The following ZMIZ1 variants were observed in gnomAD, a reference collection of about 807,000 sequenced individuals.
The protein encoded by ZMIZ1 is zinc finger MIZ-type containing 1, also known as zinc finger MIZ domain-containing protein 1.
In ZMIZ1, 17 loss-of-function variants were observed where a neutral mutation model predicts 113.9. That is an observed-to-expected ratio of 0.15 (90% CI 0.10 to 0.22). The LOEUF (loss-of-function observed/expected upper bound fraction) is 0.22, where lower values mean the gene tolerates loss of function less well. Ranked by LOEUF, ZMIZ1 falls within the 10% of genes least tolerant of loss-of-function variation. The pLI is 1.00. For synonymous variants in ZMIZ1, 607 were observed against 603.1 expected (o/e 1.01, Z -0.09); for missense variants, 1,059 against 1,477.8 (o/e 0.72, Z 4.65).
At chr10:79,128,019 G>A (rs1182284955) in intron 2 of ZMIZ1, among the ~76,000 whole-genome samples, 4 of 152,184 alleles carry the variant, frequency 2.6e-5, no homozygotes, top group Admixed American at 1.3e-4. Context: ...AGTTCCTTGC[G>A]CTGAGAACTT....
chr10:79,259,179 G>A (rs756911324), intron 7 of ZMIZ1, among the ~76,000 whole-genome samples: 6 of 152,132 alleles, frequency 3.9e-5, no homozygotes, highest in African/African-American at 9.7e-5. Context: ...GGCCCTGCCC[G>A]GCTCCTGGAC....
chr10:79,128,607 C>T (rs1485380316), intron 2 of ZMIZ1, among the ~76,000 whole-genome samples: 1 of 4,752 alleles, frequency 2.1e-4, no homozygotes, highest in Admixed American at 3.1e-3. Flanking sequence ...TAAATAGACC[C>T]TGGAACTCAA....
At chr10:79,221,064 G>C (rs1049029324) in intron 7 of ZMIZ1, among the ~76,000 whole-genome samples, 7 of 152,154 alleles carry the variant, frequency 4.6e-5, no homozygotes, top group African/African-American at 1.4e-4. Flanking sequence ...CTGCATGCAT[G>C]TTATCTGTGT....
chr10:79,077,647 C>A (rs1028899516), intron 1 of ZMIZ1, among the ~76,000 whole-genome samples: 2 of 152,228 alleles, frequency 1.3e-5, no homozygotes, highest in African/African-American at 4.8e-5. Flanking sequence ...TCATGCTTTT[C>A]CCAGACTGCC....
intron 19 of ZMIZ1, 99 bp from the exon 20 acceptor site, chr10:79,305,065 T>A: frequency 7.2e-7 from 1 of 1,380,194 alleles, no homozygotes; most frequent in Non-Finnish European, 1.0e-6. Flanking sequence ...ACAGCCTATC[T>A]TTCTCTCTGG....
intron 7 of ZMIZ1, among the ~76,000 whole-genome samples, chr10:79,239,791 C>T (rs1383453781): frequency 6.6e-6 from 1 of 152,096 alleles, no homozygotes; most frequent in East Asian, 1.9e-4. Flanking sequence ...CTGGGTAATG[C>T]TGGGACAGGA....
intron 2 of ZMIZ1, among the ~76,000 whole-genome samples, chr10:79,119,438 A>T (rs1380341484): frequency 2.6e-5 from 4 of 152,248 alleles, no homozygotes; most frequent in Non-Finnish European, 2.9e-5. Flanking sequence ...CAGCAGCCTT[A>T]TGAGAGCATT....
intron 4 of ZMIZ1, among the ~76,000 whole-genome samples, chr10:79,169,112 G>A (rs1483041249): frequency 6.6e-6 from 1 of 152,188 alleles, no homozygotes; most frequent in Non-Finnish European, 1.5e-5. Flanking sequence ...TAACCTCTGT[G>A]AATTGCTCCC....
intron 1 of ZMIZ1, among the ~76,000 whole-genome samples, chr10:79,094,264 A>C (rs1242678204): frequency 2.6e-5 from 4 of 152,230 alleles, no homozygotes; most frequent in African/African-American, 9.6e-5. Context: ...ATTGCATGCC[A>C]GGTGCAGAGC....
At chr10:79,161,185 C>G (rs532192344) in intron 3 of ZMIZ1, among the ~76,000 whole-genome samples, 1 of 152,208 alleles carries the variant, frequency 6.6e-6, no homozygotes, top group Non-Finnish European at 1.5e-5. Context: ...ATCTCTGCCC[C>G]GAGCACCACT....
chr10:79,279,424 C>T (rs1019039208), intron 8 of ZMIZ1, among the ~76,000 whole-genome samples: 1 of 151,958 alleles, frequency 6.6e-6, no homozygotes, highest in Non-Finnish European at 1.5e-5. Context: ...GGCAGAGACG[C>T]TCCTCACTTC....
chr10:79,101,783 C>T (rs1416143734), intron 1 of ZMIZ1, among the ~76,000 whole-genome samples: 1 of 152,132 alleles, frequency 6.6e-6, no homozygotes, highest in African/African-American at 2.4e-5. Flanking sequence ...GCCTCAGGGG[C>T]TGGAGCTGTT....
At chr10:79,111,552 C>A (rs1445740283) in intron 1 of ZMIZ1, among the ~76,000 whole-genome samples, 1 of 152,102 alleles carries the variant, frequency 6.6e-6, no homozygotes, top group South Asian at 2.1e-4. Flanking sequence ...ACGGGGGAGG[C>A]GCACCCTCAG....
At chr10:79,094,242 G>A (rs767919317) in intron 1 of ZMIZ1, among the ~76,000 whole-genome samples, 1 of 152,200 alleles carries the variant, frequency 6.6e-6, no homozygotes, top group Non-Finnish European at 1.5e-5. Flanking sequence ...CCTGTTTACC[G>A]AGGCTGCTGG....
intron 5 of ZMIZ1, among the ~76,000 whole-genome samples, 184 bp downstream of exon 5, chr10:79,201,876 G>A (rs1350736098): frequency 6.6e-6 from 1 of 151,994 alleles, no homozygotes; most frequent in Admixed American, 6.5e-5. Context: ...GGGTTTCAGT[G>A]CCAATGCTGC....
chr10:79,204,970 AGGATGGATGGAT>A (rs60981787), intron 5 of ZMIZ1, among the ~76,000 whole-genome samples: 6 of 150,980 alleles, frequency 4.0e-5, no homozygotes, highest in Non-Finnish European at 5.9e-5. Context: ...TGATTCATTT[AGGATGGATGGAT>A]GGATGGATGG....
chr10:79,218,540 C>T (rs1327258887), intron 7 of ZMIZ1, among the ~76,000 whole-genome samples: 2 of 151,542 alleles, frequency 1.3e-5, no homozygotes, highest in Non-Finnish European at 2.9e-5. Context: ...CTTCTTGACC[C>T]CTAGTCTAGA....
chr10:79,201,502 G>A, intron 4 of ZMIZ1, 82 bp from the exon 5 acceptor site: 1 of 1,026,566 alleles, frequency 9.7e-7, no homozygotes, highest in Non-Finnish European at 1.5e-6. Context: ...TGCCAGTGTT[G>A]TGGCCAGAGG....
At chr10:79,236,356 C>T (rs1470055633) in intron 7 of ZMIZ1, among the ~76,000 whole-genome samples, 2 of 152,222 alleles carry the variant, frequency 1.3e-5, no homozygotes, top group Non-Finnish European at 2.9e-5. Flanking sequence ...GGCAGGCAGA[C>T]AGTCCGGCAG....
Sources: gnomAD v4.1 joint callset for allele counts (sites outside exome capture counted in the v4.1 genomes callset) on GRCh38, gnomAD v4.1.1 for gene constraint, MANE v1.5 for transcripts, NCBI Gene and HGNC (gene_info 2026-07-23, HGNC 2026-07-21) for gene names.